SYNGR1: variants seen among roughly 807,000 people sequenced by gnomAD.
SYNGR1 encodes the protein synaptogyrin-1.
Under a neutral mutation model 26.1 loss-of-function variants are expected in SYNGR1, and 14 were observed. The observed-to-expected ratio is 0.54, with a 90% CI of 0.35 to 0.84. SYNGR1 has a LOEUF of 0.84. Among genes scored for constraint, SYNGR1 ranks in the 40% least tolerant of loss-of-function variants. The pLI is 0.01. For synonymous variants in SYNGR1, 141 were observed against 150.1 expected (o/e 0.94, Z 0.44); for missense variants, 319 against 332.9 (o/e 0.96, Z 0.33).
At chr22:39,367,208 C>A (rs1320273681) in intron 1 of SYNGR1, among the ~76,000 whole-genome samples, 1 of 152,254 alleles carries the variant, frequency 6.6e-6, no homozygotes, top group East Asian at 1.9e-4. Flanking sequence ...CAGCCTCTTG[C>A]ACAGGGCTGG....
At chr22:39,381,528 T>G (rs911652740) in intron 3 of SYNGR1, among the ~76,000 whole-genome samples, 168 bp from the exon 4 acceptor site, 13 of 152,118 alleles carry the variant, frequency 8.5e-5, no homozygotes, top group African/African-American at 3.1e-4. Context: ...GAGAACAGCC[T>G]TCCTTCTCCA....
At chr22:39,359,531 T>A (rs555474536) in intron 1 of SYNGR1, among the ~76,000 whole-genome samples, 6 of 147,290 alleles carry the variant, frequency 4.1e-5, no homozygotes, top group African/African-American at 1.5e-4. Flanking sequence ...CCCGGGAGGC[T>A]GAGGCAGGAG....
chr22:39,352,828 G>A (rs560533906), intron 1 of SYNGR1, among the ~76,000 whole-genome samples: 2 of 152,252 alleles, frequency 1.3e-5, no homozygotes, highest in East Asian at 3.9e-4. Flanking sequence ...AGCCCTGGAG[G>A]GGCCCTAACA....
At chr22:39,377,566 C>T in intron 3 of SYNGR1, 1 of 1,609,566 alleles carries the variant, frequency 6.2e-7, no homozygotes. Context: ...CAGCTCTTCC[C>T]CACTGGCCTC....
intron 1 of SYNGR1, among the ~76,000 whole-genome samples, chr22:39,360,100 G>A (rs1007886959): frequency 3.9e-5 from 6 of 152,242 alleles, no homozygotes; most frequent in African/African-American, 1.4e-4. Flanking sequence ...TCAGTCCTAG[G>A]CATCTTCACA....
At chr22:39,379,325 A>T (rs1037019034) in intron 3 of SYNGR1, among the ~76,000 whole-genome samples, 4 of 152,220 alleles carry the variant, frequency 2.6e-5, no homozygotes, top group Non-Finnish European at 5.9e-5. Flanking sequence ...ACTTTGGTCA[A>T]TGAGTACAAT....
At chr22:39,362,241 T>C (rs1456380333) in intron 1 of SYNGR1, among the ~76,000 whole-genome samples, 1 of 152,090 alleles carries the variant, frequency 6.6e-6, no homozygotes, top group African/African-American at 2.4e-5. Flanking sequence ...GGGAGGGGCC[T>C]GCAGATCACC....
intron 3 of SYNGR1, chr22:39,379,968 A>C (rs1316878280): frequency 6.6e-6 from 1 of 152,224 alleles, no homozygotes; most frequent in Non-Finnish European, 1.5e-5. Context: ...GGGCCGGGAA[A>C]GTTTCTGGAG....
chr22:39,363,971 AG>A (rs1924611959), intron 1 of SYNGR1, among the ~76,000 whole-genome samples: 1 of 152,118 alleles, frequency 6.6e-6, no homozygotes, highest in Admixed American at 6.5e-5. Flanking sequence ...CGAGGCCTCT[AG>A]GAGGTTCCTG....
intron 3 of SYNGR1, among the ~76,000 whole-genome samples, chr22:39,376,453 G>A (rs77560627): frequency 0.044 from 4,857 of 109,734 alleles, 249 homozygotes; most frequent in African/African-American, 0.17. Context: ...CTTCCTGGGG[G>A]TCACGGACCA....
At chr22:39,380,825 T>C (rs1925476542) in intron 3 of SYNGR1, among the ~76,000 whole-genome samples, 1 of 152,028 alleles carries the variant, frequency 6.6e-6, no homozygotes, top group Admixed American at 6.6e-5. Context: ...TTCACCATGT[T>C]GGCCAGGCTG....
At chr22:39,355,880 G>C (rs376557825) in intron 1 of SYNGR1, among the ~76,000 whole-genome samples, 60 of 152,226 alleles carry the variant, frequency 3.9e-4, no homozygotes, top group African/African-American at 1.4e-3. Flanking sequence ...TTAGCCAGGC[G>C]TGGTGGCACG....
intron 1 of SYNGR1, among the ~76,000 whole-genome samples, chr22:39,359,902 C>T (rs1327028739): frequency 6.6e-6 from 1 of 152,028 alleles, no homozygotes; most frequent in African/African-American, 2.4e-5. Flanking sequence ...CCTACCTTTC[C>T]ATCTCCCTCT....
chr22:39,367,852 C>T (rs534558247), intron 1 of SYNGR1, among the ~76,000 whole-genome samples: 145 of 151,952 alleles, frequency 9.5e-4, no homozygotes, highest in East Asian at 6.6e-3. Flanking sequence ...ACAAAGTCCC[C>T]ACCACAGCAG....
chr22:39,370,679 A>G (rs1440923694), intron 1 of SYNGR1, among the ~76,000 whole-genome samples: 2 of 148,914 alleles, frequency 1.3e-5, no homozygotes, highest in Non-Finnish European at 1.5e-5. Context: ...GTGCAGTGAC[A>G]CAATCTCAGC....
intron 1 of SYNGR1, among the ~76,000 whole-genome samples, chr22:39,355,264 G>T (rs1218159488): frequency 2.0e-5 from 3 of 152,216 alleles, no homozygotes; most frequent in Non-Finnish European, 4.4e-5. Context: ...TATTTCGGAA[G>T]CTCCTGTGGA....
chr22:39,381,890 G>A lies in SYNGR1; in HGVS notation c.678G>A (p.Gln226=). Residue 226 remains glutamine, a synonymous_variant, in exon 4 of 4, where the codon CAG becomes CAA. Transcript: ENST00000328933. ...CCAACACCTTCGACACCGAGCCCCAGGGCTACCAGTCGCAGGGCTACTGAG... is the reference window on the plus strand; with the variant it reads ...CCAACACCTTCGACACCGAGCCCCAAGGCTACCAGTCGCAGGGCTACTGAG... ...QPANTFDTEP[Q]GYQSQGY 6.2e-7 allele frequency: 1 copy of A among 1,612,554 alleles called. No homozygotes were observed. Among genetic ancestry groups the A allele is most frequent in the Non-Finnish European group, 8.5e-7 (1 of 1,179,794 alleles).
chr22:39,377,586 C>G, intron 3 of SYNGR1: 2 of 1,613,202 alleles, frequency 1.2e-6, no homozygotes, highest in African/African-American at 1.3e-5. Context: ...CACCCCTACT[C>G]TCTCCTGGCA....
chr22:39,381,336 G>C (rs184844057), intron 3 of SYNGR1, among the ~76,000 whole-genome samples: 3 of 152,164 alleles, frequency 2.0e-5, no homozygotes, highest in African/African-American at 4.8e-5. Context: ...CCTTTGTCCC[G>C]CTGAGAAGCT....
Sources: gnomAD v4.1 joint callset for allele counts (sites outside exome capture counted in the v4.1 genomes callset) on GRCh38, gnomAD v4.1.1 for gene constraint, MANE v1.5 for transcripts, NCBI Gene and HGNC (gene_info 2026-07-23, HGNC 2026-07-21) for gene names.